The following PLD1 variants were observed in gnomAD, a reference collection of about 807,000 sequenced individuals.
The protein encoded by PLD1 is phospholipase D1, also known as choline phosphatase 1.
PLD1 carries 112 observed loss-of-function variants against 137.1 expected under a neutral mutation model. The observed-to-expected ratio is 0.82, with a 90% CI of 0.70 to 0.96. The LOEUF (loss-of-function observed/expected upper bound fraction) is 0.96. Ranked by LOEUF, PLD1 falls within the 40% of genes least tolerant of loss-of-function variation. The pLI, the probability that PLD1 is intolerant of heterozygous loss-of-function variation, is 0.00. For synonymous variants in PLD1, 431 were observed against 454.7 expected, an observed-to-expected ratio of 0.95 and a Z score of 0.66; for missense variants, 1,321 against 1,342.0, an observed-to-expected ratio of 0.98 and a Z score of 0.24.
chr3:171,697,669 CA>C (rs1715876625), intron 12 of PLD1, among the ~76,000 whole-genome samples: 1 of 152,210 alleles, frequency 6.6e-6, no homozygotes, highest in African/African-American at 2.4e-5. Flanking sequence ...CTGCTGTTTA[CA>C]TCTACTACAC....
At chr3:171,652,766 ATTTTTTTTTTT>A (rs1174564536) in intron 21 of PLD1, among the ~76,000 whole-genome samples, 18,105 of 75,274 alleles carry the variant, frequency 0.24, 950 homozygotes, top group South Asian at 0.3. Context: ...ACACTCAGCT[ATTTTTTTTTTT>A]TTTTTTTTTT....
intron 20 of PLD1, among the ~76,000 whole-genome samples, chr3:171,660,678 T>A (rs1737594316): frequency 6.6e-6 from 1 of 152,192 alleles, no homozygotes; most frequent in Non-Finnish European, 1.5e-5. Context: ...TGATCTCGGC[T>A]CACTGCAACC....
intron 11 of PLD1, among the ~76,000 whole-genome samples, chr3:171,704,132 G>C (rs990002333): frequency 2.0e-5 from 3 of 152,152 alleles, no homozygotes; most frequent in African/African-American, 7.2e-5. Context: ...CCTATGCATG[G>C]ATTTCATCCT....
intron 23 of PLD1, among the ~76,000 whole-genome samples, chr3:171,637,730 C>G (rs1735252102): frequency 6.6e-6 from 1 of 151,902 alleles, no homozygotes; most frequent in African/African-American, 2.4e-5. Flanking sequence ...TACTACATAC[C>G]CAGGCTATAT....
At chr3:171,643,801 A>G (rs1735975328) in intron 22 of PLD1, among the ~76,000 whole-genome samples, 2 of 152,182 alleles carry the variant, frequency 1.3e-5, no homozygotes, top group Admixed American at 6.5e-5. Flanking sequence ...CAGTCCAAGT[A>G]TATAGGCCAA....
At chr3:171,743,882 T>C (rs9871646) in intron 1 of PLD1, among the ~76,000 whole-genome samples, 78,709 of 151,930 alleles carry the variant, frequency 0.52, 21,556 homozygotes, top group African/African-American at 0.7. Context: ...ACCCACTCAA[T>C]ACGTTTGTTG....
intron 1 of PLD1, among the ~76,000 whole-genome samples, chr3:171,739,505 C>A (rs528120801): frequency 9.2e-5 from 14 of 152,150 alleles, no homozygotes; most frequent in Non-Finnish European, 1.9e-4. Flanking sequence ...TTGTGGCCTA[C>A]TATATAGCCA....
intron 25 of PLD1, among the ~76,000 whole-genome samples, chr3:171,605,749 G>A (rs576773982): frequency 1.3e-5 from 2 of 152,188 alleles, no homozygotes; most frequent in Non-Finnish European, 2.9e-5. Flanking sequence ...TGTGTGGTAG[G>A]CGGGACAGAT....
intron 21 of PLD1, among the ~76,000 whole-genome samples, chr3:171,658,419 T>A (rs1350581108): frequency 6.6e-6 from 1 of 152,146 alleles, no homozygotes; most frequent in Non-Finnish European, 1.5e-5. Context: ...CATCAACTAA[T>A]GAATGGATAA....
intron 1 of PLD1, among the ~76,000 whole-genome samples, chr3:171,803,213 C>G (rs1372427420): frequency 1.3e-5 from 2 of 152,170 alleles, no homozygotes; most frequent in Non-Finnish European, 2.9e-5. Context: ...AGACTTGTAC[C>G]AGACCAGATC....
In PLD1 at chr3:171,713,925, C is replaced by T. The variant is rs1292640456; in HGVS notation, c.879G>A (p.Thr293=). ...KIKVGKKETE[T]KYGIRIDNLS... The stretch of plus-strand genomic sequence containing the variant: ...GATTATCAATTCGGATTCCATATTT[C>T]GTTTCTGTCTCCTTCTTCCCCACCT... The change falls in exon 9 of 27, where the codon ACG becomes ACA. Residue 293 remains threonine (T), a synonymous_variant. Transcript: ENST00000351298. 6.8e-6 allele frequency: 11 copies of T among 1,612,924 alleles called. No individual in the cohort carries two copies. The highest frequency in any genetic ancestry group is 4.0e-5 in the African/African-American group (3 of 74,890).
intron 1 of PLD1, among the ~76,000 whole-genome samples, chr3:171,757,030 T>C (rs762696170): frequency 1.1e-4 from 16 of 152,192 alleles, no homozygotes; most frequent in Non-Finnish European, 1.8e-4. Flanking sequence ...CTTGATCCCA[T>C]GGCAGAAAAA....
chr3:171,754,228 CTGAATGAATCAAATGGGAA>C (rs1210478042), intron 1 of PLD1, among the ~76,000 whole-genome samples: 13 of 152,256 alleles, frequency 8.5e-5, no homozygotes, highest in Non-Finnish European at 1.3e-4. Flanking sequence ...GTCACTGTTT[CTGAATGAATCAAATGGGAA>C]TGAATGAATA....
At chr3:171,637,106 C>A (rs1397401175) in intron 23 of PLD1, among the ~76,000 whole-genome samples, 1 of 152,188 alleles carries the variant, frequency 6.6e-6, no homozygotes, top group Non-Finnish European at 1.5e-5. Flanking sequence ...ACCAACCATG[C>A]ATTCCTGGGA....
At chr3:171,683,309 C>T (rs1470353623) in intron 16 of PLD1, among the ~76,000 whole-genome samples, 2 of 152,168 alleles carry the variant, frequency 1.3e-5, no homozygotes, top group African/African-American at 4.8e-5. Flanking sequence ...AGTCAGCCCT[C>T]GCCTACCCTT....
chr3:171,620,017 G>A (rs943029948), intron 24 of PLD1, among the ~76,000 whole-genome samples: 14 of 152,186 alleles, frequency 9.2e-5, no homozygotes, highest in South Asian at 2.1e-4. Context: ...CAATTTTCAC[G>A]AAGTCCATTT....
intron 1 of PLD1, among the ~76,000 whole-genome samples, chr3:171,748,338 A>G (rs1720410314): frequency 6.6e-6 from 1 of 152,218 alleles, no homozygotes; most frequent in South Asian, 2.1e-4. Flanking sequence ...TATTGCTAAA[A>G]ACTGTGGTCA....
chr3:171,771,548 A>G (rs1722352560), intron 1 of PLD1, among the ~76,000 whole-genome samples: 8 of 152,254 alleles, frequency 5.3e-5, no homozygotes, highest in Admixed American at 3.9e-4. Context: ...CAAGAAAACC[A>G]TAACACAAAC....
intron 1 of PLD1, among the ~76,000 whole-genome samples, chr3:171,749,310 T>C (rs1218042973): frequency 6.6e-6 from 1 of 152,092 alleles, no homozygotes. Flanking sequence ...TTTTAGGAGA[T>C]AAGATCTCAG....
Sources: allele counts gnomAD v4.1 joint callset (sites outside exome capture counted in the v4.1 genomes callset), GRCh38; gene constraint gnomAD v4.1.1; transcripts MANE v1.5; gene names NCBI Gene and HGNC (gene_info 2026-07-23, HGNC 2026-07-21).